The following DENND5A variants were observed in gnomAD, a reference collection of about 807,000 sequenced individuals.
The protein encoded by DENND5A is DENN domain-containing protein 5A.
Under a neutral mutation model 140.3 loss-of-function variants are expected in DENND5A, and 64 were observed. The ratio of observed to expected loss-of-function variants is 0.46; its 90% CI spans 0.37 to 0.56. The LOEUF is 0.56. DENND5A is among the 20% of genes least tolerant of loss of function. The pLI, the probability that DENND5A is intolerant of heterozygous loss-of-function variation, is 0.00. For synonymous variants in DENND5A, 605 were observed against 607.7 expected (o/e 1.00, Z 0.07); for missense variants, 1,292 against 1,593.8 (o/e 0.81, Z 3.22).
chr11:9,157,401 G>A (rs1847845727), intron 12 of DENND5A, among the ~76,000 whole-genome samples: 1 of 152,106 alleles, frequency 6.6e-6, no homozygotes, highest in Non-Finnish European at 1.5e-5. Flanking sequence ...CGTATCACAG[G>A]GGTCTGGTGT....
intron 11 of DENND5A, among the ~76,000 whole-genome samples, chr11:9,162,324 C>T (rs11042203): frequency 0.054 from 8,057 of 149,588 alleles, 728 homozygotes; most frequent in African/African-American, 0.19. Context: ...CTGCAACCTC[C>T]GCCTCCCCGG....
chr11:9,253,793 G>T (rs1341810365), intron 1 of DENND5A, among the ~76,000 whole-genome samples: 1 of 151,702 alleles, frequency 6.6e-6, no homozygotes, highest in Non-Finnish European at 1.5e-5. Flanking sequence ...TTGAGCCCAG[G>T]AGGTCAAGGT....
chr11:9,263,492 G>C (rs567626344), intron 1 of DENND5A, among the ~76,000 whole-genome samples: 137 of 151,240 alleles, frequency 9.1e-4, no homozygotes, highest in African/African-American at 3.1e-3. Context: ...AAAGTGCTGG[G>C]ATTACCCCTG....
intron 1 of DENND5A, among the ~76,000 whole-genome samples, chr11:9,260,325 A>C (rs1222345791): frequency 6.6e-6 from 1 of 152,076 alleles, no homozygotes; most frequent in Non-Finnish European, 1.5e-5. Context: ...GAGACAAGGA[A>C]AATAAACTCA....
chr11:9,242,575 C>T (rs980819088), intron 1 of DENND5A: 36 of 152,228 alleles, frequency 2.4e-4, no homozygotes, highest in African/African-American at 7.0e-4. Flanking sequence ...TTTATAGTCT[C>T]GGGCATGTTA....
intron 1 of DENND5A, among the ~76,000 whole-genome samples, chr11:9,254,407 G>C (rs537084188): frequency 1.7e-4 from 26 of 152,184 alleles, no homozygotes; most frequent in African/African-American, 3.6e-4. Flanking sequence ...CTCTGTAATT[G>C]TTTTCTGTGT....
At chr11:9,241,082 C>A (rs907293896) in intron 1 of DENND5A, among the ~76,000 whole-genome samples, 3 of 152,142 alleles carry the variant, frequency 2.0e-5, no homozygotes, top group Admixed American at 2.0e-4. Context: ...GTAATCCTCA[C>A]AAGCTGATCC....
intron 22 of DENND5A, chr11:9,140,117 C>T: frequency 1.4e-6 from 2 of 1,424,266 alleles, no homozygotes; most frequent in Non-Finnish European, 9.4e-7. Flanking sequence ...CTAGTCAGCC[C>T]CACCACTGGT....
chr11:9,152,043 T>C (rs887586694), intron 13 of DENND5A, among the ~76,000 whole-genome samples: 1 of 152,066 alleles, frequency 6.6e-6, no homozygotes, highest in Non-Finnish European at 1.5e-5. Flanking sequence ...AACAAAAGAC[T>C]CTGAAAACAG....
intron 10 of DENND5A, among the ~76,000 whole-genome samples, chr11:9,168,092 A>ATTTTTTTTTTTTTTTT (rs11285106): frequency 9.2e-5 from 13 of 141,978 alleles, no homozygotes; most frequent in African/African-American, 2.9e-4. Context: ...AACCTCAGTG[A>ATTTTTTTTTTTTTTTT]TTTTTTTTTT....
chr11:9,180,675 G>C lies in DENND5A; in HGVS notation c.1455+92C>G. On this transcript the variant is annotated intron_variant, in intron 6 of 22. Transcript: ENST00000328194. ...ACTGCTCACAAATATGAGTTGTCCA[G>C]AACTGGGTGCTTTCTCATCCCATAC... 2.4e-6 allele frequency: 3 copies of C among 1,263,384 alleles called. No homozygotes were observed. The South Asian group carries it at 4.3e-5, about 18-fold the overall frequency. 78.3% of individuals were successfully genotyped at this position (1,263,384 alleles called of 1,614,324 possible). A position where few individuals can be genotyped will look rare whatever the true frequency, so the allele number is the denominator to read the frequency against.
intron 1 of DENND5A, among the ~76,000 whole-genome samples, chr11:9,243,636 C>A (rs1851337540): frequency 6.6e-6 from 1 of 152,122 alleles, no homozygotes; most frequent in South Asian, 2.1e-4. Context: ...ACCTGCAATC[C>A]CAGCACGTTG....
chr11:9,178,102 C>T, intron 8 of DENND5A, 30 bp downstream of exon 8: 1 of 1,435,238 alleles, frequency 7.0e-7, no homozygotes. Context: ...ATCCAAGAGG[C>T]CTGAATGTAC....
In DENND5A at chr11:9,193,513, T is replaced by A; in HGVS notation, c.1118A>T (p.Lys373Met). 1 of 1,610,752 alleles carries A rather than the reference T, an allele frequency of 6.2e-7. No homozygotes were observed. The highest frequency in any genetic ancestry group is 8.5e-7 in the Non-Finnish European group (1 of 1,178,628). The change falls in exon 5 of 23, where the codon AAG becomes ATG. Residue 373 changes from lysine to methionine, a missense_variant. Coordinates refer to ENST00000328194, the MANE Select transcript of DENND5A (RefSeq NM_015213.4). Reference sequence around the variant, plus strand: ...TCTCACCTCTTGAGGCAGCTCCAGCTTTGACCGGTCATCCAGGCCATTGGA... The same window carrying A: ...TCTCACCTCTTGAGGCAGCTCCAGCATTGACCGGTCATCCAGGCCATTGGA... ...LHSNGLDDRS[K>M]LELPQEANLC...
intron 12 of DENND5A, among the ~76,000 whole-genome samples, chr11:9,155,742 T>C (rs986748786): frequency 6.6e-6 from 1 of 152,186 alleles, no homozygotes; most frequent in Non-Finnish European, 1.5e-5. Flanking sequence ...ACAAAACCAG[T>C]ATGAAAAACC....
At chr11:9,246,554 G>C (rs1851480167) in intron 1 of DENND5A, among the ~76,000 whole-genome samples, 1 of 144,790 alleles carries the variant, frequency 6.9e-6, no homozygotes, top group South Asian at 2.2e-4. Flanking sequence ...GGAGGTTACA[G>C]TAAGCAGAGA....
intron 1 of DENND5A, among the ~76,000 whole-genome samples, chr11:9,264,358 T>A (rs1004643373): frequency 6.6e-6 from 1 of 152,138 alleles, no homozygotes; most frequent in Non-Finnish European, 1.5e-5. Flanking sequence ...AAAAAAGGCA[T>A]GGCCCCGGGA....
At chr11:9,246,356 T>C (rs1035786360) in intron 1 of DENND5A, among the ~76,000 whole-genome samples, 5 of 152,110 alleles carry the variant, frequency 3.3e-5, no homozygotes, top group Non-Finnish European at 1.5e-5. Flanking sequence ...CTCATGCCTG[T>C]AATCCCAGCA....
At chr11:9,260,900 G>A (rs906871538) in intron 1 of DENND5A, among the ~76,000 whole-genome samples, 4 of 152,238 alleles carry the variant, frequency 2.6e-5, no homozygotes, top group African/African-American at 9.6e-5. Flanking sequence ...TCAGGCTGGA[G>A]TGCAGTGTCA....
Sources: allele counts gnomAD v4.1 joint callset (sites outside exome capture counted in the v4.1 genomes callset), GRCh38; gene constraint gnomAD v4.1.1; transcripts MANE v1.5; gene names NCBI Gene and HGNC (gene_info 2026-07-23, HGNC 2026-07-21).